Variants in SNCAIP observed in about 807,000 individuals in gnomAD.
The protein encoded by SNCAIP is synphilin-1.
SNCAIP carries 43 observed loss-of-function variants against 86.7 expected under a neutral mutation model. That is an observed-to-expected ratio of 0.50 (90% CI 0.39 to 0.64). The LOEUF is 0.64. Among genes scored for constraint, SNCAIP ranks in the 30% least tolerant of loss-of-function variants. SNCAIP has a pLI of 0.00. For synonymous variants in SNCAIP, 417 were observed against 427.2 expected, an observed-to-expected ratio of 0.98 and a Z score of 0.29; for missense variants, 981 against 1,103.1, an observed-to-expected ratio of 0.89 and a Z score of 1.57.
At chr5:122,404,727 T>A (rs1023184968) in intron 3 of SNCAIP, among the ~76,000 whole-genome samples, 3 of 152,316 alleles carry the variant, frequency 2.0e-5, no homozygotes, top group South Asian at 2.1e-4. Context: ...AATAAATAGA[T>A]GTGCCTTACC....
intron 8 of SNCAIP, among the ~76,000 whole-genome samples, chr5:122,449,173 A>G (rs546781925): frequency 1.3e-5 from 2 of 152,338 alleles, no homozygotes; most frequent in Admixed American, 6.5e-5. Context: ...AAGCGTGTTC[A>G]GACCACTTAC....
intron 10 of SNCAIP, 104 bp from the exon 11 acceptor site, chr5:122,463,387 G>A (rs995923913): frequency 9.3e-6 from 7 of 755,158 alleles, no homozygotes; most frequent in Non-Finnish European, 1.7e-5. Flanking sequence ...AGTGTGGTTT[G>A]TGTGAGGATA....
At chr5:122,362,881 G>A (rs992408256) in intron 1 of SNCAIP, among the ~76,000 whole-genome samples, 2 of 152,158 alleles carry the variant, frequency 1.3e-5, no homozygotes, top group East Asian at 3.9e-4. Context: ...ACTCTGAAAA[G>A]TTCCATAGGG....
chr5:122,416,046 G>A (rs1775245620), intron 3 of SNCAIP, among the ~76,000 whole-genome samples: 1 of 152,176 alleles, frequency 6.6e-6, no homozygotes, highest in Admixed American at 6.5e-5. Flanking sequence ...GTTTAAAGTT[G>A]TCAAAATATT....
intron 8 of SNCAIP, among the ~76,000 whole-genome samples, chr5:122,447,720 A>G (rs904605927): frequency 6.6e-6 from 1 of 152,228 alleles, no homozygotes; most frequent in Non-Finnish European, 1.5e-5. Context: ...TAGACTGTGG[A>G]CCAAATCTAG....
intron 8 of SNCAIP, 59 bp from the exon 9 acceptor site, chr5:122,449,786 C>A (rs1375339211): frequency 9.1e-7 from 1 of 1,098,568 alleles, no homozygotes; most frequent in Non-Finnish European, 1.4e-6. Context: ...TATTATACAC[C>A]CTAATTTATA....
At chr5:122,322,335 T>G (rs1006240525) in intron 1 of SNCAIP, among the ~76,000 whole-genome samples, 15 of 152,364 alleles carry the variant, frequency 9.8e-5, no homozygotes, top group African/African-American at 3.6e-4. Context: ...AAAAGATTGG[T>G]ACTTCCATAA....
chr5:122,407,155 G>A (rs1773170915), intron 3 of SNCAIP, among the ~76,000 whole-genome samples: 1 of 152,162 alleles, frequency 6.6e-6, no homozygotes, highest in Non-Finnish European at 1.5e-5. Context: ...AGATAAACAA[G>A]GTCACCACAG....
intron 3 of SNCAIP, among the ~76,000 whole-genome samples, chr5:122,407,581 T>C (rs1467117190): frequency 5.3e-5 from 8 of 152,220 alleles, no homozygotes; most frequent in Non-Finnish European, 1.2e-4. Context: ...CAAAATCATC[T>C]AGTCTGCAAG....
intron 4 of SNCAIP, 98 bp from the exon 5 acceptor site, chr5:122,425,254 A>G (rs1284123552): frequency 6.5e-6 from 6 of 921,718 alleles, no homozygotes; most frequent in Admixed American, 3.4e-5. Flanking sequence ...CAGAGCTTCT[A>G]TAAGCTCATT....
chr5:122,380,399 T>A (rs1367867466), intron 1 of SNCAIP, among the ~76,000 whole-genome samples: 1 of 152,072 alleles, frequency 6.6e-6, no homozygotes, highest in African/African-American at 2.4e-5. Flanking sequence ...CCCTTTATCA[T>A]TTTTTATTGT....
intron 1 of SNCAIP, among the ~76,000 whole-genome samples, chr5:122,367,238 A>C (rs1019660810): frequency 2.0e-5 from 3 of 152,176 alleles, no homozygotes; most frequent in African/African-American, 7.2e-5. Context: ...GGGAGCAACA[A>C]ATGTAAAGCC....
chr5:122,373,485 A>G (rs1192563856), intron 1 of SNCAIP, among the ~76,000 whole-genome samples: 1 of 152,164 alleles, frequency 6.6e-6, no homozygotes, highest in Non-Finnish European at 1.5e-5. Context: ...AGAAAAAGAC[A>G]TTTGAGATAA....
intron 3 of SNCAIP, among the ~76,000 whole-genome samples, chr5:122,405,082 C>A (rs1368846228): frequency 6.6e-6 from 1 of 152,200 alleles, no homozygotes; most frequent in African/African-American, 2.4e-5. Flanking sequence ...TCTTAAAAGG[C>A]AGTGCCCATT....
intron 6 of SNCAIP, among the ~76,000 whole-genome samples, chr5:122,437,631 C>A (rs138104819): frequency 6.6e-6 from 1 of 152,290 alleles, no homozygotes; most frequent in East Asian, 1.9e-4. Context: ...TCTGAACAGT[C>A]AAATAATGGT....
intron 10 of SNCAIP, among the ~76,000 whole-genome samples, chr5:122,452,370 C>T (rs1365284736): frequency 1.3e-5 from 2 of 152,134 alleles, no homozygotes; most frequent in Non-Finnish European, 2.9e-5. Flanking sequence ...AGCCAAAATG[C>T]AAAACTCTCT....
At chr5:122,368,421 G>A (rs1028428646) in intron 1 of SNCAIP, among the ~76,000 whole-genome samples, 21 of 152,042 alleles carry the variant, frequency 1.4e-4, no homozygotes, top group African/African-American at 4.6e-4. Flanking sequence ...TCTGCTACCA[G>A]ATTTCCAGTT....
chr5:122,408,285 C>G (rs1581058554), intron 3 of SNCAIP, among the ~76,000 whole-genome samples: 1 of 152,322 alleles, frequency 6.6e-6, no homozygotes, highest in East Asian at 1.9e-4. Flanking sequence ...GTAGGGCCGT[C>G]CATTCTGCCT....
In SNCAIP at chr5:122,432,037, T is replaced by C; in HGVS notation, c.1251T>C (p.Ser417=). Residue 417 remains serine, a synonymous_variant, in exon 6 of 11, where the codon TCT becomes TCC. Coordinates refer to ENST00000261368, the MANE Select transcript of SNCAIP (RefSeq NM_005460.4). ...ETEAIAELSC[S]KDFPSLIHYA... Reference sequence around the variant, plus strand: ...AAGCCATTGCAGAACTGAGTTGTTCTAAGGATTTTCCAAGCCTTATTCATT... The same window carrying C: ...AAGCCATTGCAGAACTGAGTTGTTCCAAGGATTTTCCAAGCCTTATTCATT... 1 of 1,607,756 alleles carries C rather than the reference T, an allele frequency of 6.2e-7. No individual in the cohort carries two copies. The highest frequency in any genetic ancestry group is 1.3e-5 in the African/African-American group (1 of 74,874).
Sources: gnomAD v4.1 joint callset for allele counts (sites outside exome capture counted in the v4.1 genomes callset) on GRCh38, gnomAD v4.1.1 for gene constraint, MANE v1.5 for transcripts, NCBI Gene and HGNC (gene_info 2026-07-23, HGNC 2026-07-21) for gene names.